Variants in ESR2 observed in about 807,000 individuals in gnomAD.
ESR2 encodes the protein estrogen receptor beta.
A neutral mutation model predicts 49.6 loss-of-function variants in ESR2; 36 were observed. The observed-to-expected ratio is 0.73, with a 90% CI of 0.56 to 0.96. ESR2 has a LOEUF of 0.96. Ranked by LOEUF, ESR2 falls within the 40% of genes least tolerant of loss-of-function variation. ESR2 has a pLI of 0.00. For synonymous variants in ESR2, 320 were observed against 266.1 expected (o/e 1.20, Z -1.97); for missense variants, 714 against 693.0 (o/e 1.03, Z -0.34).
intron 1 of ESR2, among the ~76,000 whole-genome samples, chr14:64,322,019 C>T (rs1039027078): frequency 2.6e-5 from 4 of 151,932 alleles, no homozygotes; most frequent in African/African-American, 4.8e-5. Flanking sequence ...ATGTAACAAA[C>T]CTGCACATGT....
intron 1 of ESR2, among the ~76,000 whole-genome samples, chr14:64,317,015 A>G (rs1466201986): frequency 6.6e-6 from 1 of 152,168 alleles, no homozygotes; most frequent in Non-Finnish European, 1.5e-5. Flanking sequence ...TGGTAATCCC[A>G]GCACTTTGGG....
Position 64,260,469 on chromosome 14 carries a change from C to T in ESR2, c.932G>A (p.Ser311Asn). The T allele has an allele frequency of 1.3e-6, 2 of 1,525,172 alleles. No homozygotes were observed. The highest frequency in any genetic ancestry group is 1.8e-6 in the Non-Finnish European group (2 of 1,137,784). 94.5% of individuals were successfully genotyped at this position (1,525,172 alleles called of 1,614,324 possible). A position where few individuals can be genotyped will look rare whatever the true frequency, so the allele number is the denominator to read the frequency against. ...LADKELVHMISWAKKIPGFVE... is the reference protein window; with the variant it reads ...LADKELVHMINWAKKIPGFVE... ...CCTACCGGGAATCTTCTTGGCCCAGCTGATCATGTGTACCAACTCCTTGTC... is the reference window on the plus strand; with the variant it reads ...CCTACCGGGAATCTTCTTGGCCCAGTTGATCATGTGTACCAACTCCTTGTC... The change falls in exon 5 of 9, where the codon AGC becomes AAC. Residue 311 changes from serine (S) to asparagine (N), a missense_variant. By Grantham distance (46) the Ser-to-Asn change is conservative (BLOSUM62 1). Coordinates refer to ENST00000341099, the MANE Select transcript of ESR2 (RefSeq NM_001437.3).
At chr14:64,257,483 T>C (rs2076127584) in intron 5 of ESR2, 119 bp from the exon 6 acceptor site, 1 of 1,262,368 alleles carries the variant, frequency 7.9e-7, no homozygotes, top group African/African-American at 1.5e-5. Context: ...AGGGAGTTGA[T>C]ATTTTATAGA....
chr14:64,305,610 G>T (rs1490828991), intron 1 of ESR2, among the ~76,000 whole-genome samples: 1 of 151,740 alleles, frequency 6.6e-6, no homozygotes, highest in African/African-American at 2.4e-5. Context: ...AGCGGAGCTT[G>T]CAGTGAGCCA....
intron 6 of ESR2, among the ~76,000 whole-genome samples, 169 bp downstream of exon 6, chr14:64,257,057 C>A (rs1167682905): frequency 6.6e-6 from 1 of 152,126 alleles, no homozygotes; most frequent in East Asian, 1.9e-4. Flanking sequence ...AATCCTTGGA[C>A]CCAACTCTCT....
chr14:64,242,449 A>C (rs1249378400), intron 7 of ESR2, among the ~76,000 whole-genome samples: 4 of 145,812 alleles, frequency 2.7e-5, no homozygotes, highest in African/African-American at 7.6e-5. Context: ...ACAAACAAAA[A>C]AAATATATAT....
At chr14:64,321,947 A>G (rs1567802261) in intron 1 of ESR2, among the ~76,000 whole-genome samples, 1 of 152,180 alleles carries the variant, frequency 6.6e-6, no homozygotes, top group Non-Finnish European at 1.5e-5. Context: ...AAAATCACCT[A>G]TTGGGTACTA....
intron 3 of ESR2, among the ~76,000 whole-genome samples, chr14:64,278,812 G>T (rs2076607552): frequency 1.3e-5 from 2 of 152,120 alleles, no homozygotes; most frequent in Admixed American, 6.5e-5. Context: ...AAATTCTAAG[G>T]CCCCTCAACC....
intron 7 of ESR2, among the ~76,000 whole-genome samples, chr14:64,238,754 T>TA (rs2075659157): frequency 4.2e-5 from 6 of 141,280 alleles, no homozygotes; most frequent in African/African-American, 1.8e-4. Flanking sequence ...GAAGTATAGT[T>TA]TAAAAAAAAA....
intron 1 of ESR2, among the ~76,000 whole-genome samples, chr14:64,292,189 G>C (rs937835813): frequency 5.3e-5 from 8 of 152,028 alleles, no homozygotes; most frequent in Non-Finnish European, 1.2e-4. Context: ...AGCACAAACT[G>C]ACTCATCCTA....
Position 64,232,064 on chromosome 14 carries a change from G to A in ESR2, c.*1073C>T, listed in dbSNP as rs2098727752. The A allele has an allele frequency of 6.6e-6, 1 of 152,086 alleles. No individual in the cohort carries two copies. Among genetic ancestry groups the A allele is most frequent in the Admixed American group, 6.5e-5 (1 of 15,270 alleles). 9.4% of individuals were successfully genotyped at this position (152,086 alleles called of 1,614,324 possible). ...CTCTTTAAGGAGAGTTCACAAACTG[G>A]GTCTTGTTCAAGGGGCGTACTCATC... On this transcript the variant is annotated 3_prime_UTR_variant, in exon 9 of 9. Transcript: ENST00000341099.
intron 6 of ESR2, among the ~76,000 whole-genome samples, chr14:64,253,963 G>C (rs1038289684): frequency 1.3e-5 from 2 of 152,074 alleles, no homozygotes; most frequent in Admixed American, 1.3e-4. Context: ...CAATTAGACA[G>C]TCAGGTTCTT....
At chr14:64,301,766 A>G (rs887970723) in intron 1 of ESR2, among the ~76,000 whole-genome samples, 2 of 152,146 alleles carry the variant, frequency 1.3e-5, no homozygotes, top group African/African-American at 4.8e-5. Context: ...GTAAAATGGG[A>G]ATAGCACAAG....
chr14:64,292,928 CTTCTATGTCTTGAGCAAGACT>C (rs2076895751), intron 1 of ESR2, among the ~76,000 whole-genome samples: 1 of 152,170 alleles, frequency 6.6e-6, no homozygotes, highest in Non-Finnish European at 1.5e-5. Context: ...ATTTCAGAAA[CTTCTATGTCTTGAGCAAGACT>C]TAAGTGTTAA....
intron 5 of ESR2, among the ~76,000 whole-genome samples, chr14:64,257,975 G>A (rs567478993): frequency 2.0e-5 from 3 of 152,254 alleles, no homozygotes; most frequent in South Asian, 2.1e-4. Flanking sequence ...CCAGCACTTT[G>A]GGAGGTCAAG....
rs1462911986 is a variant in ESR2 at position 64,294,054 on chromosome 14, CTT to C, written c.-114_-113del. On this transcript the variant is annotated 5_prime_UTR_variant, in exon 1 of 9. Coordinates refer to ENST00000341099, the MANE Select transcript of ESR2 (RefSeq NM_001437.3). ...TTACCTTGCAGATAAACACACCGGC[CTT>C]GCCTTCTCTAAAATGCGGACACGTG... is the stretch of plus-strand genomic sequence containing the variant. 1 of 152,284 alleles carries C rather than the reference CTT, an allele frequency of 6.6e-6. No individual in the cohort carries two copies. The allele number at this position is 152,284 out of a possible 1,614,324, so 9.4% of individuals were successfully genotyped here.
In ESR2 at chr14:64,229,455, T is replaced by C. The variant is rs1021367034; in HGVS notation, c.*3682A>G. Reference sequence around the variant, plus strand: ...TATGAAAGGTGGAGTTGAACTTTGATGTGAGAGGTTTACAAACTTACTGTG... The same window carrying C: ...TATGAAAGGTGGAGTTGAACTTTGACGTGAGAGGTTTACAAACTTACTGTG... On this transcript the variant is annotated 3_prime_UTR_variant, in exon 9 of 9. Transcript: ENST00000341099. 9.8e-5 allele frequency among the ~76,000 whole-genome samples: 15 copies of C among 152,288 alleles called. No individual in the cohort carries two copies. The highest frequency in any genetic ancestry group is 3.6e-4 in the African/African-American group (15 of 41,568).
chr14:64,267,169 G>A (rs1331717286), intron 4 of ESR2, among the ~76,000 whole-genome samples: 3 of 152,098 alleles, frequency 2.0e-5, no homozygotes, highest in Admixed American at 6.5e-5. Flanking sequence ...GTGAGCCACC[G>A]CACCCGGCCT....
chr14:64,232,133 T>C lies in ESR2; in HGVS notation c.*1004A>G, dbSNP rs758933946. The stretch of plus-strand genomic sequence containing the variant: ...CCCAGAGCTGACACACTGGGGTGCA[T>C]AGCTACTCATCCATCCATAAAACAG... On this transcript the variant is annotated 3_prime_UTR_variant, in exon 9 of 9. Coordinates refer to ENST00000341099, the MANE Select transcript of ESR2 (RefSeq NM_001437.3). 12 of 152,298 alleles carry C rather than the reference T, an allele frequency of 7.9e-5. No individual in the cohort carries two copies. The highest frequency in any genetic ancestry group is 1.6e-4 in the Non-Finnish European group (11 of 68,038). 9.4% of individuals were successfully genotyped at this position (152,298 alleles called of 1,614,324 possible).
Sources: gnomAD v4.1 joint callset for allele counts (sites outside exome capture counted in the v4.1 genomes callset) on GRCh38, gnomAD v4.1.1 for gene constraint, MANE v1.5 for transcripts, NCBI Gene and HGNC (gene_info 2026-07-23, HGNC 2026-07-21) for gene names.